ZBTB20: variants seen among roughly 807,000 people sequenced by gnomAD.
The protein encoded by ZBTB20 is zinc finger and BTB domain containing 20.
Under a neutral mutation model 56.9 loss-of-function variants are expected in ZBTB20, and 9 were observed. The observed-to-expected ratio is 0.16, with a 90% confidence interval of 0.10 to 0.28. The LOEUF (loss-of-function observed/expected upper bound fraction) is 0.28, where lower values mean the gene tolerates loss of function less well. ZBTB20 is among the 10% of genes least tolerant of loss of function. ZBTB20 has a pLI of 1.00. For synonymous variants in ZBTB20, 417 were observed against 420.7 expected (o/e 0.99, Z 0.11); for missense variants, 655 against 1,003.0 (o/e 0.65, Z 4.69).
chr3:114,817,652 T>C (rs1178190951), intron 4 of ZBTB20, among the ~76,000 whole-genome samples: 1 of 152,114 alleles, frequency 6.6e-6, no homozygotes, highest in Admixed American at 6.5e-5. Context: ...AATTTCCTTA[T>C]TTGTATCTAT....
chr3:114,556,135 C>T, intron 6 of ZBTB20, among the ~76,000 whole-genome samples: 1 of 152,030 alleles, frequency 6.6e-6, no homozygotes, highest in East Asian at 1.9e-4. Context: ...TTGTAAGCTT[C>T]CCTTCATCCA....
intron 6 of ZBTB20, among the ~76,000 whole-genome samples, chr3:114,517,484 C>T (rs2046138908): frequency 1.3e-5 from 2 of 151,936 alleles, no homozygotes; most frequent in African/African-American, 2.4e-5. Context: ...ACTAGAGGCA[C>T]GTTAAACCAC....
chr3:115,110,858 A>G (rs1440613331), intron 1 of ZBTB20, among the ~76,000 whole-genome samples: 4 of 152,014 alleles, frequency 2.6e-5, no homozygotes, highest in Non-Finnish European at 5.9e-5. Flanking sequence ...GCTAGGTGGC[A>G]TGTGCCTGTA....
chr3:114,648,643 AGAGTAT>A (rs968317191), intron 6 of ZBTB20, among the ~76,000 whole-genome samples: 27 of 152,084 alleles, frequency 1.8e-4, no homozygotes, highest in Non-Finnish European at 2.9e-4. Flanking sequence ...TAGAAGAATA[AGAGTAT>A]AACAGAGGAG....
chr3:114,520,315 C>T (rs989102204), intron 6 of ZBTB20, among the ~76,000 whole-genome samples: 4 of 152,012 alleles, frequency 2.6e-5, no homozygotes, highest in African/African-American at 4.8e-5. Context: ...AATAGGGGGA[C>T]GTCATTAACA....
At chr3:114,759,646 A>G (rs2068291829) in intron 5 of ZBTB20, among the ~76,000 whole-genome samples, 1 of 151,928 alleles carries the variant, frequency 6.6e-6, no homozygotes, top group African/African-American at 2.4e-5. Flanking sequence ...TGAGTGTCAG[A>G]TTTTCTCTTA....
intron 4 of ZBTB20, among the ~76,000 whole-genome samples, chr3:114,890,398 C>A (rs2076761548): frequency 6.6e-6 from 1 of 152,142 alleles, no homozygotes; most frequent in African/African-American, 2.4e-5. Context: ...ACAATAAGAA[C>A]CTACAGAAAC....
At chr3:114,512,159 A>ATGCTTACCTATGGGTGTG (rs11268842) in intron 6 of ZBTB20, among the ~76,000 whole-genome samples, 2 of 152,216 alleles carry the variant, frequency 1.3e-5, no homozygotes, top group South Asian at 2.1e-4. Context: ...ACAATAAAAT[A>ATGCTTACCTATGGGTGTG]GACAGGGATA....
chr3:114,619,337 G>C (rs1394387631), intron 6 of ZBTB20, among the ~76,000 whole-genome samples: 1 of 152,062 alleles, frequency 6.6e-6, no homozygotes, highest in Non-Finnish European at 1.5e-5. Context: ...AGAGTGAGCA[G>C]GGAAAATAAA....
chr3:115,014,421 G>C (rs1459968823), intron 2 of ZBTB20, among the ~76,000 whole-genome samples: 1 of 151,524 alleles, frequency 6.6e-6, no homozygotes, highest in African/African-American at 2.4e-5. Flanking sequence ...TGTACAATTG[G>C]ATTGTTTGTA....
intron 3 of ZBTB20, among the ~76,000 whole-genome samples, chr3:114,912,749 G>A (rs190772610): frequency 1.2e-3 from 180 of 150,502 alleles, no homozygotes; most frequent in African/African-American, 4.1e-3. Flanking sequence ...CCACTTCCCC[G>A]GCTCCTACTC....
chr3:114,350,334 G>C lies in ZBTB20; in HGVS notation c.1744C>G (p.Leu582Val), dbSNP rs1357737787. The C allele has an allele frequency of 6.2e-7, 1 of 1,614,110 alleles. No homozygotes were observed. Among genetic ancestry groups the C allele is most frequent in the Non-Finnish European group, 8.5e-7 (1 of 1,179,960 alleles). ...QGEKKPYECT[L>V]CNKTFTAKQN... is the part of the protein sequence containing the mutation. The stretch of plus-strand genomic sequence containing the variant: ...TTGGCGGTGAAAGTCTTGTTGCAGA[G>C]AGTGCACTCATAAGGCTTTTTTTCG... The change falls in exon 11 of 12, where the codon CTC becomes GTC. Residue 582 changes from leucine (L) to valine (V), a missense_variant. Physicochemically the swap from Leu to Val is conservative, Grantham distance 32. This residue lies in a region of ZBTB20 where 71 missense variants were observed against 89.4 expected (regional missense o/e 0.79). Transcript: ENST00000675478.
intron 2 of ZBTB20, among the ~76,000 whole-genome samples, chr3:115,010,335 C>T (rs1393267247): frequency 6.6e-6 from 1 of 151,954 alleles, no homozygotes; most frequent in African/African-American, 2.4e-5. Context: ...GCTGTGCTGG[C>T]TTCAGGTCTG....
intron 6 of ZBTB20, among the ~76,000 whole-genome samples, chr3:114,581,351 G>C (rs1281065354): frequency 6.6e-6 from 1 of 151,966 alleles, no homozygotes; most frequent in African/African-American, 2.4e-5. Flanking sequence ...AATGACCTTG[G>C]CATGTGAAAG....
At chr3:114,961,069 G>A (rs900754153) in intron 3 of ZBTB20, among the ~76,000 whole-genome samples, 1 of 150,974 alleles carries the variant, frequency 6.6e-6, no homozygotes, top group Non-Finnish European at 1.5e-5. Flanking sequence ...GAAATAGAGA[G>A]TAGAAACATT....
intron 7 of ZBTB20, among the ~76,000 whole-genome samples, chr3:114,443,435 A>C (rs1387518471): frequency 6.6e-6 from 1 of 152,192 alleles, no homozygotes; most frequent in African/African-American, 2.4e-5. Flanking sequence ...TGGCTCTGAC[A>C]GTCCACAGCA....
intron 4 of ZBTB20, among the ~76,000 whole-genome samples, chr3:114,816,310 T>A (rs2072913618): frequency 6.6e-6 from 1 of 152,198 alleles, no homozygotes; most frequent in Non-Finnish European, 1.5e-5. Flanking sequence ...TACATTTTAA[T>A]AAGACCTCAA....
intron 4 of ZBTB20, among the ~76,000 whole-genome samples, chr3:114,858,856 C>A (rs2075362898): frequency 6.6e-6 from 1 of 152,058 alleles, no homozygotes; most frequent in Non-Finnish European, 1.5e-5. Flanking sequence ...TACCAGCCCA[C>A]CATAACATCA....
chr3:114,598,110 A>T (rs1169513924), intron 6 of ZBTB20, among the ~76,000 whole-genome samples: 1 of 152,102 alleles, frequency 6.6e-6, no homozygotes, highest in African/African-American at 2.4e-5. Flanking sequence ...GACATTATCC[A>T]CTTTGCCTGT....
Sources: gnomAD v4.1 joint callset for allele counts (sites outside exome capture counted in the v4.1 genomes callset) on GRCh38, gnomAD v4.1.1 for gene constraint, gnomAD v4.1.1 regional missense constraint, MANE v1.5 for transcripts, NCBI Gene and HGNC (gene_info 2026-07-23, HGNC 2026-07-21) for gene names.